GPC5: variants seen among roughly 807,000 people sequenced by gnomAD.
GPC5 encodes the protein glypican 5.
A neutral mutation model predicts 53.9 loss-of-function variants in GPC5; 47 were observed. The ratio of observed to expected loss-of-function variants is 0.87; its 90% CI spans 0.69 to 1.11. The LOEUF (loss-of-function observed/expected upper bound fraction) is 1.11. Among genes scored for constraint, GPC5 ranks in the 50% most tolerant of loss-of-function variants. The pLI is 0.00. For synonymous variants in GPC5, 286 were observed against 263.3 expected, an observed-to-expected ratio of 1.09 and a Z score of -0.84; for missense variants, 748 against 713.1, an observed-to-expected ratio of 1.05 and a Z score of -0.56.
intron 6 of GPC5, among the ~76,000 whole-genome samples, chr13:92,049,720 A>G (rs1276641747): frequency 6.6e-6 from 1 of 152,164 alleles, no homozygotes; most frequent in Non-Finnish European, 1.5e-5. Context: ...CAGAAATTAT[A>G]ATTTGGGATG....
intron 7 of GPC5, among the ~76,000 whole-genome samples, chr13:92,351,469 GAACA>G (rs1446761422): frequency 6.6e-6 from 1 of 151,754 alleles, no homozygotes. Context: ...AGTCCACAAT[GAACA>G]TTTCTGTTCA....
At chr13:91,580,076 A>G (rs1482625906) in intron 2 of GPC5, among the ~76,000 whole-genome samples, 2 of 152,024 alleles carry the variant, frequency 1.3e-5, no homozygotes, top group Non-Finnish European at 2.9e-5. Context: ...TTTGAAACAG[A>G]GTCTTGCTCT....
At chr13:92,469,396 G>A (rs1878825284) in intron 7 of GPC5, among the ~76,000 whole-genome samples, 1 of 152,002 alleles carries the variant, frequency 6.6e-6, no homozygotes, top group African/African-American at 2.4e-5. Flanking sequence ...CAAGATATGA[G>A]AAGTGAAAGG....
intron 2 of GPC5, among the ~76,000 whole-genome samples, chr13:91,636,763 T>C (rs569759123): frequency 6.6e-6 from 1 of 152,138 alleles, no homozygotes; most frequent in South Asian, 2.1e-4. Flanking sequence ...GAGACCATCC[T>C]GGACAACAAA....
At chr13:92,143,912 A>G (rs1262415345) in intron 6 of GPC5, among the ~76,000 whole-genome samples, 1 of 152,128 alleles carries the variant, frequency 6.6e-6, no homozygotes, top group African/African-American at 2.4e-5. Context: ...GAAAATTTAA[A>G]TGACCACTAA....
intron 2 of GPC5, among the ~76,000 whole-genome samples, chr13:91,481,902 G>A (rs1883318341): frequency 6.6e-6 from 1 of 152,064 alleles, no homozygotes; most frequent in Non-Finnish European, 1.5e-5. Flanking sequence ...ATCCAGGAAT[G>A]AGTGGCAGAA....
intron 6 of GPC5, among the ~76,000 whole-genome samples, chr13:92,031,808 ATATAT>A (rs2040850084): frequency 1.0e-5 from 1 of 98,738 alleles, no homozygotes; most frequent in Admixed American, 1.5e-4. Context: ...ATAATATATA[ATATAT>A]TACATATTAT....
At chr13:92,605,746 C>T (rs970721075) in intron 7 of GPC5, among the ~76,000 whole-genome samples, 1 of 151,800 alleles carries the variant, frequency 6.6e-6, no homozygotes, top group Non-Finnish European at 1.5e-5. Flanking sequence ...CCCGCCACCG[C>T]GCCCGGCTAA....
At chr13:92,533,794 C>CT (rs990920740) in intron 7 of GPC5, among the ~76,000 whole-genome samples, 31 of 152,232 alleles carry the variant, frequency 2.0e-4, no homozygotes, top group African/African-American at 7.5e-4. Flanking sequence ...GCGGGCTCAA[C>CT]TTTTTTATTT....
intron 2 of GPC5, among the ~76,000 whole-genome samples, chr13:91,476,102 G>C (rs559098634): frequency 6.6e-6 from 1 of 152,164 alleles, no homozygotes; most frequent in Non-Finnish European, 1.5e-5. Flanking sequence ...TTGACACTGG[G>C]ACCAGGTAAT....
intron 2 of GPC5, among the ~76,000 whole-genome samples, chr13:91,515,927 A>G: frequency 6.6e-6 from 1 of 152,194 alleles, no homozygotes; most frequent in East Asian, 1.9e-4. Flanking sequence ...GTGGCAAAAG[A>G]AAAATGAGGA....
At chr13:91,445,079 T>G (rs2139081551) in intron 1 of GPC5, among the ~76,000 whole-genome samples, 1 of 152,332 alleles carries the variant, frequency 6.6e-6, no homozygotes, top group Non-Finnish European at 1.5e-5. Flanking sequence ...CAAATTATTT[T>G]TCCCTTCTTC....
chr13:92,393,657 C>CA (rs879805857), intron 7 of GPC5, among the ~76,000 whole-genome samples: 20 of 151,698 alleles, frequency 1.3e-4, no homozygotes, highest in South Asian at 4.2e-4. Flanking sequence ...TGAAAGAAAA[C>CA]AAAAAAAACT....
In GPC5 at chr13:92,133,602, A is replaced by G. The variant is rs141254468; in HGVS notation, c.1402-11228A>G. The stretch of plus-strand genomic sequence containing the variant: ...GGAGCCCTTACTTTGGCATTGTATC[A>G]TGATTAAAGTCTTCCTCCCTCCCTC... On this transcript the variant is annotated intron_variant, in intron 6 of 7. Transcript: ENST00000377067. Among the ~76,000 whole-genome samples, 559 of 152,302 alleles carry G rather than the reference A, an allele frequency of 3.7e-3. 8 individuals are homozygous for G. Among genetic ancestry groups the G allele is most frequent in the African/African-American group, 0.012 (518 of 41,572 alleles).
intron 6 of GPC5, among the ~76,000 whole-genome samples, chr13:92,084,925 G>A (rs1037763024): frequency 6.6e-6 from 1 of 152,162 alleles, no homozygotes; most frequent in Non-Finnish European, 1.5e-5. Flanking sequence ...CAGTTCTGGA[G>A]GGTGGTTGTT....
chr13:91,865,724 C>G (rs1293738600), intron 5 of GPC5, among the ~76,000 whole-genome samples: 1 of 151,636 alleles, frequency 6.6e-6, no homozygotes, highest in Non-Finnish European at 1.5e-5. Flanking sequence ...TTTTCTTATT[C>G]TCTCTCCTCA....
intron 5 of GPC5, among the ~76,000 whole-genome samples, chr13:91,801,165 T>C (rs551086350): frequency 3.2e-4 from 48 of 152,206 alleles, no homozygotes; most frequent in African/African-American, 1.1e-3. Flanking sequence ...AGAAAGCATT[T>C]GTTTAATCTC....
intron 6 of GPC5, among the ~76,000 whole-genome samples, chr13:92,039,884 A>G (rs1014059055): frequency 6.6e-6 from 1 of 152,192 alleles, no homozygotes; most frequent in African/African-American, 2.4e-5. Flanking sequence ...TTATTTTCAA[A>G]TACAGTCACA....
At chr13:91,501,104 C>T (rs1478226261) in intron 2 of GPC5, among the ~76,000 whole-genome samples, 2 of 152,112 alleles carry the variant, frequency 1.3e-5, no homozygotes, top group Admixed American at 1.3e-4. Flanking sequence ...AGTGTGAAAA[C>T]AGGCTAATAC....
Sources: gnomAD v4.1 joint callset for allele counts (sites outside exome capture counted in the v4.1 genomes callset) on GRCh38, gnomAD v4.1.1 for gene constraint, MANE v1.5 for transcripts, NCBI Gene and HGNC (gene_info 2026-07-23, HGNC 2026-07-21) for gene names.